The following ANKS1B variants were observed in gnomAD, a reference collection of about 807,000 sequenced individuals.
ANKS1B encodes ankyrin repeat and sterile alpha motif domain-containing protein 1B.
Under a neutral mutation model 148.3 loss-of-function variants are expected in ANKS1B, and 36 were observed. The observed-to-expected ratio is 0.24, with a 90% confidence interval of 0.19 to 0.32. The LOEUF is 0.32. Among genes scored for constraint, ANKS1B ranks in the 10% least tolerant of loss-of-function variants. The pLI, the probability that ANKS1B is intolerant of heterozygous loss-of-function variation, is 1.00. For missense variants in ANKS1B, 1,157 were observed against 1,542.6 expected, an observed-to-expected ratio of 0.75 and a Z score of 4.19; for synonymous variants, 542 against 560.8, an observed-to-expected ratio of 0.97 and a Z score of 0.47.
At chr12:99,118,592 ATAT>A (rs1377671128) in intron 15 of ANKS1B, among the ~76,000 whole-genome samples, 2 of 152,216 alleles carry the variant, frequency 1.3e-5, no homozygotes, top group African/African-American at 4.8e-5. Flanking sequence ...CTAAAATATA[ATAT>A]TATGTGCTGC....
At chr12:99,072,292 G>C (rs2046524586) in intron 16 of ANKS1B, among the ~76,000 whole-genome samples, 1 of 152,162 alleles carries the variant, frequency 6.6e-6, no homozygotes, top group African/African-American at 2.4e-5. Flanking sequence ...AGAATTTATT[G>C]AACAAATGCA....
intron 9 of ANKS1B, among the ~76,000 whole-genome samples, chr12:99,609,539 T>C (rs1377512628): frequency 6.7e-6 from 1 of 149,660 alleles, no homozygotes; most frequent in African/African-American, 2.5e-5. Flanking sequence ...AATTGGGACT[T>C]TTTATAAGAA....
intron 16 of ANKS1B, among the ~76,000 whole-genome samples, chr12:99,062,305 T>C (rs2042705405): frequency 6.6e-6 from 1 of 152,210 alleles, no homozygotes; most frequent in Non-Finnish European, 1.5e-5. Context: ...AGCACAATAC[T>C]TGGCACACAG....
chr12:98,865,371 C>G (rs960522138), intron 17 of ANKS1B, among the ~76,000 whole-genome samples: 2 of 152,208 alleles, frequency 1.3e-5, no homozygotes, highest in African/African-American at 4.8e-5. Context: ...TGGCATCATC[C>G]ATGCCTCTTC....
At chr12:99,716,004 G>C (rs1416612780) in intron 8 of ANKS1B, among the ~76,000 whole-genome samples, 1 of 152,160 alleles carries the variant, frequency 6.6e-6, no homozygotes, top group Non-Finnish European at 1.5e-5. Context: ...TTTCAGAGGT[G>C]TCTGACCACG....
chr12:98,914,724 C>T (rs766686869), intron 17 of ANKS1B, among the ~76,000 whole-genome samples: 3 of 152,056 alleles, frequency 2.0e-5, no homozygotes, highest in Non-Finnish European at 4.4e-5. Flanking sequence ...AATACCCCCA[C>T]CCTTCCCTTC....
chr12:99,236,554 C>T (rs1303110726), intron 14 of ANKS1B, among the ~76,000 whole-genome samples: 4 of 152,184 alleles, frequency 2.6e-5, no homozygotes, highest in Non-Finnish European at 5.9e-5. Context: ...CCCCATGATC[C>T]AATCACCTCC....
At chr12:99,114,505 A>C (rs560946873) in intron 15 of ANKS1B, among the ~76,000 whole-genome samples, 76 of 152,316 alleles carry the variant, frequency 5.0e-4, no homozygotes, top group Non-Finnish European at 8.7e-4. Context: ...TAATCTGAGC[A>C]CTTTGGGAGG....
At chr12:98,796,979 C>G (rs2098955331) in intron 22 of ANKS1B, among the ~76,000 whole-genome samples, 1 of 152,198 alleles carries the variant, frequency 6.6e-6, no homozygotes, top group Non-Finnish European at 1.5e-5. Flanking sequence ...CTAGGCAATA[C>G]TGATGCTGAT....
chr12:99,861,229 TC>T (rs1419956545), intron 1 of ANKS1B, among the ~76,000 whole-genome samples: 1 of 152,204 alleles, frequency 6.6e-6, no homozygotes, highest in African/African-American at 2.4e-5. Context: ...ATAATGCAAA[TC>T]ATTCTTTGCT....
At chr12:99,103,318 C>G (rs1421652076) in intron 15 of ANKS1B, among the ~76,000 whole-genome samples, 1 of 152,150 alleles carries the variant, frequency 6.6e-6, no homozygotes, top group Non-Finnish European at 1.5e-5. Flanking sequence ...CTAGTCTTAC[C>G]TTGACGCCCC....
At chr12:99,686,600 C>T (rs563241958) in intron 8 of ANKS1B, among the ~76,000 whole-genome samples, 1 of 152,030 alleles carries the variant, frequency 6.6e-6, no homozygotes, top group African/African-American at 2.4e-5. Context: ...AATCCTATTA[C>T]CAAGCAAGAT....
chr12:99,826,017 C>A (rs1366938936), intron 1 of ANKS1B, among the ~76,000 whole-genome samples: 1 of 91,538 alleles, frequency 1.1e-5, no homozygotes, highest in Non-Finnish European at 2.4e-5. Context: ...ATAAAAGAGT[C>A]TATTTTTTTT....
intron 1 of ANKS1B, among the ~76,000 whole-genome samples, chr12:99,864,630 G>A (rs1380850034): frequency 6.6e-6 from 1 of 152,110 alleles, no homozygotes; most frequent in Non-Finnish European, 1.5e-5. Flanking sequence ...ATAGGACTGG[G>A]GTCTGAATTC....
intron 14 of ANKS1B, among the ~76,000 whole-genome samples, chr12:99,187,968 C>T (rs1445999644): frequency 6.6e-6 from 1 of 151,546 alleles, no homozygotes; most frequent in Non-Finnish European, 1.5e-5. Context: ...CAAAGACACA[C>T]ATAGGCTCAA....
chr12:99,337,206 T>C (rs12321903), intron 12 of ANKS1B, among the ~76,000 whole-genome samples: 41,072 of 151,732 alleles, frequency 0.27, 9,003 homozygotes, highest in African/African-American at 0.61. Context: ...TTTGTTTCTC[T>C]GATTGTACAT....
intron 2 of ANKS1B, among the ~76,000 whole-genome samples, chr12:99,819,309 G>C (rs993599347): frequency 4.0e-5 from 6 of 151,808 alleles, no homozygotes; most frequent in African/African-American, 1.4e-4. Flanking sequence ...ATTTTAAGTA[G>C]TCTGTATCCT....
chr12:99,605,705 T>A (rs368328420), intron 9 of ANKS1B, among the ~76,000 whole-genome samples: 4 of 152,154 alleles, frequency 2.6e-5, no homozygotes, highest in African/African-American at 9.6e-5. Flanking sequence ...TGTGTAAATA[T>A]GCCAAATATT....
intron 17 of ANKS1B, among the ~76,000 whole-genome samples, chr12:98,888,858 T>C (rs2099746049): frequency 1.3e-5 from 2 of 152,256 alleles, no homozygotes; most frequent in Admixed American, 6.5e-5. Context: ...TTTATTTATT[T>C]ACTTCCTTTG....
Sources: allele counts gnomAD v4.1 joint callset (sites outside exome capture counted in the v4.1 genomes callset), GRCh38; gene constraint gnomAD v4.1.1; transcripts MANE v1.5; gene names NCBI Gene and HGNC (gene_info 2026-07-23, HGNC 2026-07-21).